The following PCDHGA1 variants were observed in gnomAD, a reference collection of about 807,000 sequenced individuals.
PCDHGA1 encodes protocadherin gamma-A1.
A neutral mutation model predicts 58.0 loss-of-function variants in PCDHGA1; 32 were observed. The observed-to-expected ratio is 0.55, with a 90% confidence interval of 0.42 to 0.74. PCDHGA1 has a LOEUF of 0.74. Among genes scored for constraint, PCDHGA1 ranks in the 30% least tolerant of loss-of-function variants. The pLI is 0.00. For missense variants in PCDHGA1, 1,205 were observed against 1,182.3 expected (o/e 1.02, Z -0.28); for synonymous variants, 498 against 501.1 (o/e 0.99, Z 0.08).
chr5:141,333,009 T>C lies in PCDHGA1; in HGVS notation c.2325T>C (p.Tyr775=). The change falls in exon 1 of 4, where the codon TAT becomes TAC. Residue 775 remains tyrosine (Y), a synonymous_variant. Coordinates refer to ENST00000517417, the MANE Select transcript of PCDHGA1 (RefSeq NM_018912.3). ...KSHLIFPQPN[Y]ADTLISQESC... Reference sequence around the variant, plus strand: ...ACCTGATTTTCCCCCAGCCCAACTATGCGGACACACTCATCAGCCAGGAGA... The same window carrying C: ...ACCTGATTTTCCCCCAGCCCAACTACGCGGACACACTCATCAGCCAGGAGA... The C allele has an allele frequency of 1.9e-6, 3 of 1,614,232 alleles. No homozygotes were observed. Among genetic ancestry groups the C allele is most frequent in the Non-Finnish European group, 1.7e-6 (2 of 1,180,048 alleles).
chr5:141,394,322 G>T (rs1438978424), intron 1 of PCDHGA1: 3 of 1,613,960 alleles, frequency 1.9e-6, no homozygotes, highest in Non-Finnish European at 1.7e-6. Context: ...CCCTGTCCTC[G>T]TATATCTCCA....
At chr5:141,463,438 CTTTTTTTTTTTTT>C (rs71576115) in intron 1 of PCDHGA1, among the ~76,000 whole-genome samples, 4 of 103,254 alleles carry the variant, frequency 3.9e-5, no homozygotes, top group South Asian at 3.2e-4. Flanking sequence ...TTTCCTTCTC[CTTTTTTTTTTTTT>C]TTTTTTTTTT....
At chr5:141,447,937 T>A (rs1036604034) in intron 1 of PCDHGA1, among the ~76,000 whole-genome samples, 1 of 151,852 alleles carries the variant, frequency 6.6e-6, no homozygotes, top group Non-Finnish European at 1.5e-5. Context: ...AATACAAAAA[T>A]TAGCTGGGCA....
At position 141,487,667 on chromosome 5, in the gene PCDHGA1, ATATGGCTAGGCCATG is replaced by A; in HGVS notation, c.2422-7138_2422-7124del. 1.9e-6 allele frequency: 3 copies of A among 1,612,782 alleles called. No individual in the cohort carries two copies. In the South Asian group the frequency reaches 3.3e-5, roughly 18 times the overall value. ...GCTTGAGGGTTATTCTGATCCAGGC[ATATGGCTAGGCCATG>A]TCCTAGAGAGTACTGGCCTCTCAGT... On this transcript the variant is annotated intron_variant, in intron 1 of 3. Transcript: ENST00000517417. The surrounding 1 kb of genome is among the most constrained non-coding windows in gnomAD (Gnocchi z 5.0).
chr5:141,501,500 C>G (rs1385290676), intron 2 of PCDHGA1, among the ~76,000 whole-genome samples: 1 of 151,934 alleles, frequency 6.6e-6, no homozygotes, highest in Non-Finnish European at 1.5e-5. Context: ...GCTGCTGGGG[C>G]TCCAAGGCCT....
chr5:141,383,931 T>C lies in PCDHGA1; in HGVS notation c.2421+50826T>C, dbSNP rs1017184990. ...CAGTTTTAGATGTAAATGATAATGC[T>C]CCAGAAGTGACTATGACGTCTTTAA... On this transcript the variant is annotated intron_variant, in intron 1 of 3. Transcript: ENST00000517417. 2.5e-6 allele frequency: 4 copies of C among 1,613,818 alleles called. No homozygotes were observed. In the South Asian group the frequency reaches 4.4e-5, roughly 18 times the overall value.
chr5:141,448,323 A>G (rs2098582223), intron 1 of PCDHGA1, among the ~76,000 whole-genome samples: 1 of 152,080 alleles, frequency 6.6e-6, no homozygotes, highest in Non-Finnish European at 1.5e-5. Flanking sequence ...TTTTCTTTGA[A>G]TCTTTATAGC....
At chr5:141,339,466 C>G (rs1247701313) in intron 1 of PCDHGA1, 4 of 1,614,082 alleles carry the variant, frequency 2.5e-6, no homozygotes, top group Middle Eastern at 1.6e-4. Flanking sequence ...TAGGTGAGAA[C>G]GCCCTTCAGA....
intron 1 of PCDHGA1, 135 bp downstream of exon 1, chr5:141,333,240 A>C (rs1045718265): frequency 9.2e-6 from 12 of 1,307,766 alleles, no homozygotes; most frequent in Non-Finnish European, 1.3e-5. Flanking sequence ...AAGTCCTGCA[A>C]AATCACGATT....
At chr5:141,360,759 T>C in intron 1 of PCDHGA1, 1 of 1,613,928 alleles carries the variant, frequency 6.2e-7, no homozygotes, top group Non-Finnish European at 8.5e-7. Context: ...ACAGTTTACA[T>C]CAATTGGTCC....
At chr5:141,469,790 T>G (rs956670031) in intron 1 of PCDHGA1, among the ~76,000 whole-genome samples, 2 of 152,224 alleles carry the variant, frequency 1.3e-5, no homozygotes, top group African/African-American at 4.8e-5. Context: ...GCGTTATTTG[T>G]AATTGCAAAA....
At chr5:141,383,109 T>C (rs562167618) in intron 1 of PCDHGA1, 78 of 1,613,790 alleles carry the variant, frequency 4.8e-5, no homozygotes, top group Non-Finnish European at 6.3e-5. Flanking sequence ...TCTCCAGAGG[T>C]AGGACGCAGC....
rs1314403795 is a variant in PCDHGA1, at chr5:141,331,337, G to T, written c.653G>T (p.Gly218Val). ...HHLILTASDG[G>V]EPVRSGTLRI... ...CTCATCCTCACAGCTTCTGATGGGGGTGAACCAGTCCGTTCAGGGACCCTC... is the reference window on the plus strand; with the variant it reads ...CTCATCCTCACAGCTTCTGATGGGGTTGAACCAGTCCGTTCAGGGACCCTC... Residue 218 changes from glycine to valine, a missense_variant, in exon 1 of 4, where the codon GGT becomes GTT. Gly to Val is a moderately radical substitution (Grantham distance 109). Coordinates refer to ENST00000517417, the MANE Select transcript of PCDHGA1 (RefSeq NM_018912.3). 1 of 1,614,148 alleles carries T rather than the reference G, an allele frequency of 6.2e-7. No homozygotes were observed. Among genetic ancestry groups the T allele is most frequent in the Non-Finnish European group, 8.5e-7 (1 of 1,180,036 alleles).
At chr5:141,453,481 T>TA (rs1178324090) in intron 1 of PCDHGA1, among the ~76,000 whole-genome samples, 1 of 151,928 alleles carries the variant, frequency 6.6e-6, no homozygotes, top group African/African-American at 2.4e-5. Context: ...TCAAAACTAT[T>TA]AAAAAAAGGT....
At chr5:141,385,271 TG>T (rs777522853) in intron 1 of PCDHGA1, 313 of 1,614,076 alleles carry the variant, frequency 1.9e-4, no homozygotes, top group Non-Finnish European at 2.4e-4. Flanking sequence ...AATGATTCTT[TG>T]CTAACATCCG....
intron 1 of PCDHGA1, chr5:141,410,478 C>T (rs767257836): frequency 1.9e-6 from 3 of 1,613,992 alleles, no homozygotes; most frequent in Non-Finnish European, 2.5e-6. Flanking sequence ...ATTGCACATA[C>T]GGGTACAAAA....
At chr5:141,434,533 C>T (rs6862159) in intron 1 of PCDHGA1, among the ~76,000 whole-genome samples, 18,539 of 152,264 alleles carry the variant, frequency 0.12, 1,259 homozygotes, top group Non-Finnish European at 0.16. Flanking sequence ...AAACCACAAA[C>T]AATAGCATGA....
chr5:141,432,864 G>A lies in PCDHGA1; in HGVS notation c.2422-61943G>A. On this transcript the variant is annotated intron_variant, in intron 1 of 3. Coordinates refer to ENST00000517417, the MANE Select transcript of PCDHGA1 (RefSeq NM_018912.3). The surrounding 1 kb of genome is among the most constrained non-coding windows in gnomAD (Gnocchi z 6.0). ...GTGGTAGCGGTGGCCGCGGTCTCCT[G>A]CGTCTTCCTGGCCTTCGTCATCTTG... 6.2e-7 allele frequency: 1 copy of A among 1,614,168 alleles called. No individual in the cohort carries two copies. Among genetic ancestry groups the A allele is most frequent in the South Asian group, 1.1e-5 (1 of 91,084 alleles).
At chr5:141,394,108 T>C in intron 1 of PCDHGA1, 1 of 1,613,972 alleles carries the variant, frequency 6.2e-7, no homozygotes, top group Non-Finnish European at 8.5e-7. Context: ...ACACCACCTC[T>C]GTCCACTGAA....
Sources: gnomAD v4.1 joint callset for allele counts (sites outside exome capture counted in the v4.1 genomes callset) on GRCh38, gnomAD v4.1.1 for gene constraint, Gnocchi (gnomAD v3.1) non-coding constraint, MANE v1.5 for transcripts, NCBI Gene and HGNC (gene_info 2026-07-23, HGNC 2026-07-21) for gene names.